Variants in FHIT observed in about 807,000 individuals in gnomAD.
FHIT encodes bis(5'-adenosyl)-triphosphatase.
Under a neutral mutation model 17.9 loss-of-function variants are expected in FHIT, and 19 were observed. The ratio of observed to expected loss-of-function variants is 1.06; its 90% CI spans 0.74 to 1.56. FHIT has a LOEUF of 1.56. Among genes scored for constraint, FHIT ranks in the 40% most tolerant of loss-of-function variants. FHIT has a pLI of 0.00. For synonymous variants in FHIT, 81 were observed against 69.7 expected (o/e 1.16, Z -0.81); for missense variants, 248 against 189.2 (o/e 1.31, Z -1.82).
intron 8 of FHIT, among the ~76,000 whole-genome samples, chr3:59,823,298 T>G (rs1461311099): frequency 1.3e-5 from 2 of 152,194 alleles, no homozygotes. Context: ...CCATATGAAT[T>G]TTAGAATTGT....
chr3:60,582,520 G>A (rs9833533), intron 4 of FHIT, among the ~76,000 whole-genome samples: 12,414 of 152,014 alleles, frequency 0.082, 563 homozygotes, highest in Middle Eastern at 0.17. Flanking sequence ...AAATGAATGC[G>A]GATACAACCT....
chr3:60,548,553 C>G (rs1000423544), intron 4 of FHIT, among the ~76,000 whole-genome samples: 8 of 152,150 alleles, frequency 5.3e-5, no homozygotes, highest in Non-Finnish European at 1.0e-4. Flanking sequence ...TTCATGATTT[C>G]TCTCTCTTTT....
At chr3:60,584,513 T>A (rs2037846991) in intron 4 of FHIT, among the ~76,000 whole-genome samples, 1 of 152,080 alleles carries the variant, frequency 6.6e-6, no homozygotes, top group Non-Finnish European at 1.5e-5. Context: ...TTTTAGATCA[T>A]CCTTGAGTTA....
chr3:60,127,973 G>C (rs1325620798), intron 5 of FHIT, among the ~76,000 whole-genome samples: 1 of 152,066 alleles, frequency 6.6e-6, no homozygotes, highest in Admixed American at 6.5e-5. Context: ...CACAAAGTCA[G>C]CAAAACCTTT....
intron 8 of FHIT, among the ~76,000 whole-genome samples, chr3:59,754,892 C>A (rs1302211371): frequency 1.3e-5 from 2 of 152,032 alleles, no homozygotes; most frequent in Non-Finnish European, 2.9e-5. Context: ...TTTAGAACAG[C>A]GGCACTCAAC....
At position 59,947,489 on chromosome 3, in the gene FHIT, T is replaced by C. The variant is rs146686502; in HGVS notation, c.280-25075A>G. On this transcript the variant is annotated intron_variant, in intron 7 of 9. Transcript: ENST00000492590. ...TGGTTTTGTTGATCTTTTGTATGGT[T>C]TTCCATGTCTTAATTTCATTCAGTT... is the stretch of plus-strand genomic sequence containing the variant. Among the ~76,000 whole-genome samples the C allele has an allele frequency of 3.8e-4, 58 of 152,334 alleles. 1 individual carries two copies. The East Asian group carries it at 0.011, about 29-fold the overall frequency.
intron 5 of FHIT, among the ~76,000 whole-genome samples, chr3:60,526,568 G>A (rs1199868938): frequency 6.6e-6 from 1 of 152,004 alleles, no homozygotes; most frequent in Non-Finnish European, 1.5e-5. Context: ...TTTTTTCCCA[G>A]GAACACTACT....
chr3:60,824,698 G>A (rs1054611507), intron 3 of FHIT, among the ~76,000 whole-genome samples: 1 of 152,062 alleles, frequency 6.6e-6, no homozygotes, highest in African/African-American at 2.4e-5. Flanking sequence ...AATCATGGGG[G>A]TGGGTCTCTC....
intron 5 of FHIT, among the ~76,000 whole-genome samples, chr3:60,436,683 C>CA (rs1478618074): frequency 2.0e-5 from 3 of 152,030 alleles, no homozygotes; most frequent in African/African-American, 7.2e-5. Flanking sequence ...GCCATACAGA[C>CA]AAAAAACGCT....
chr3:60,890,273 A>G (rs577944708), intron 3 of FHIT, among the ~76,000 whole-genome samples: 6 of 150,294 alleles, frequency 4.0e-5, no homozygotes, highest in Non-Finnish European at 3.0e-5. Context: ...ACTACATGAT[A>G]AACACTTGTG....
intron 2 of FHIT, among the ~76,000 whole-genome samples, chr3:61,196,142 A>G (rs1182379577): frequency 6.6e-6 from 1 of 152,164 alleles, no homozygotes. Flanking sequence ...AAAAAATAAT[A>G]TAAGTACATT....
chr3:60,561,241 T>A (rs541140416), intron 4 of FHIT, among the ~76,000 whole-genome samples: 1 of 152,084 alleles, frequency 6.6e-6, no homozygotes, highest in South Asian at 2.1e-4. Flanking sequence ...AGGACTGAAA[T>A]GTGGGCCAAA....
chr3:60,045,982 G>C (rs569892432), intron 5 of FHIT, among the ~76,000 whole-genome samples: 1 of 152,110 alleles, frequency 6.6e-6, no homozygotes, highest in Non-Finnish European at 1.5e-5. Context: ...TCTAATTTTT[G>C]GTTACAATCA....
chr3:60,051,091 G>A (rs1261504662), intron 5 of FHIT, among the ~76,000 whole-genome samples: 1 of 152,144 alleles, frequency 6.6e-6, no homozygotes, highest in Non-Finnish European at 1.5e-5. Flanking sequence ...CTAAAGTAAG[G>A]AAGTAGGGAG....
intron 2 of FHIT, among the ~76,000 whole-genome samples, chr3:61,122,945 C>T (rs536430810): frequency 3.1e-4 from 47 of 152,254 alleles, no homozygotes; most frequent in African/African-American, 1.1e-3. Context: ...GACAGTGTGG[C>T]GATTCCTCAA....
intron 5 of FHIT, among the ~76,000 whole-genome samples, chr3:60,114,368 G>A (rs1704849554): frequency 6.6e-6 from 1 of 150,970 alleles, no homozygotes. Context: ...CAAACAGTCT[G>A]GTCTCTTCCC....
At chr3:60,635,885 A>G (rs1553683712) in intron 4 of FHIT, among the ~76,000 whole-genome samples, 2 of 152,128 alleles carry the variant, frequency 1.3e-5, no homozygotes. Context: ...TTGCATTTTT[A>G]AAAAAGAATA....
chr3:60,393,936 T>C (rs1020088548), intron 5 of FHIT, among the ~76,000 whole-genome samples: 1 of 152,154 alleles, frequency 6.6e-6, no homozygotes, highest in Non-Finnish European at 1.5e-5. Context: ...GAGAGTTCTT[T>C]TGTTCCCAGC....
At chr3:59,759,426 C>A (rs1255174790) in intron 8 of FHIT, among the ~76,000 whole-genome samples, 1 of 152,172 alleles carries the variant, frequency 6.6e-6, no homozygotes, top group Non-Finnish European at 1.5e-5. Flanking sequence ...TAGTTAGCGT[C>A]ATGGCCACTA....
Sources: allele counts gnomAD v4.1 joint callset (sites outside exome capture counted in the v4.1 genomes callset), GRCh38; gene constraint gnomAD v4.1.1; transcripts MANE v1.5; gene names NCBI Gene and HGNC (gene_info 2026-07-23, HGNC 2026-07-21).